UNC13A: variants seen among roughly 807,000 people sequenced by gnomAD.
UNC13A encodes the protein protein unc-13 homolog A.
A neutral mutation model predicts 219.7 loss-of-function variants in UNC13A; 61 were observed. The observed-to-expected ratio is 0.28, with a 90% CI of 0.23 to 0.34. The LOEUF is 0.34. Among genes scored for constraint, UNC13A ranks in the 10% least tolerant of loss-of-function variants. The pLI, the probability that UNC13A is intolerant of heterozygous loss-of-function variation, is 1.00. For missense variants in UNC13A, 1,476 were observed against 2,270.3 expected (o/e 0.65, Z 7.11); for synonymous variants, 920 against 884.6 (o/e 1.04, Z -0.71).
intron 4 of UNC13A, among the ~76,000 whole-genome samples, chr19:17,669,899 A>T (rs1202605229): frequency 2.5e-3 from 210 of 83,776 alleles, no homozygotes; most frequent in Middle Eastern, 9.8e-3. Context: ...TCCTTCCTTT[A>T]TTCCTTTCTT....
rs369689901 is a variant in UNC13A, at chr19:17,637,455, G to A, written c.3082-1298C>T. 3.3e-5 allele frequency among the ~76,000 whole-genome samples: 5 copies of A among 151,982 alleles called. No individual in the cohort carries two copies. In the East Asian group the frequency reaches 9.7e-4, roughly 29 times the overall value. On this transcript the variant is annotated intron_variant, in intron 25 of 43. Transcript: ENST00000519716. The stretch of plus-strand genomic sequence containing the variant: ...TGGGACTACAGGTGCCCGCCACCAC[G>A]CCCGGCTAATTTTTTTGTATTTTTA...
In UNC13A at chr19:17,620,721, C is replaced by T. The variant is rs1599338322; in HGVS notation, c.4244G>A (p.Gly1415Asp). The part of the protein sequence containing the change: ...LRKHGKGLEK[G>D]RVKLPSHSDG... ...TGAGTGGCTTGGCAATTTCACCCTGCCCTGTGGAGAGAATCAGGTGGAGGT... is the reference window on the plus strand; with the variant it reads ...TGAGTGGCTTGGCAATTTCACCCTGTCCTGTGGAGAGAATCAGGTGGAGGT... Residue 1415 changes from glycine to aspartate, a missense_variant and splice_region_variant, in exon 38 of 44, where the codon GGC becomes GAC. Gly to Asp is a moderately conservative substitution (Grantham distance 94). Coordinates refer to ENST00000519716, the MANE Select transcript of UNC13A (RefSeq NM_001080421.3). 6.2e-7 allele frequency: 1 copy of T among 1,612,834 alleles called. No individual in the cohort carries two copies. Among genetic ancestry groups the T allele is most frequent in the East Asian group, 2.2e-5 (1 of 44,848 alleles).
intron 26 of UNC13A, 46 bp downstream of exon 26, chr19:17,635,976 TAC>T: frequency 6.3e-7 from 1 of 1,577,362 alleles, no homozygotes; most frequent in South Asian, 1.1e-5. Context: ...GTTGTATACA[TAC>T]ACACGATGAC....
At chr19:17,673,785 C>T (rs192328219) in intron 3 of UNC13A, among the ~76,000 whole-genome samples, 8 of 151,558 alleles carry the variant, frequency 5.3e-5, no homozygotes, top group East Asian at 1.9e-4. Flanking sequence ...CTGAGGTGGG[C>T]GGATCACCTG....
chr19:17,660,605 C>T (rs1327031859), intron 8 of UNC13A, among the ~76,000 whole-genome samples: 1 of 150,112 alleles, frequency 6.7e-6, no homozygotes, highest in Middle Eastern at 3.2e-3. Context: ...GATCTCGGCT[C>T]ACTGCAGCCT....
At chr19:17,666,913 AGACAG>A (rs1405760805) in intron 6 of UNC13A, among the ~76,000 whole-genome samples, 4 of 25,332 alleles carry the variant, frequency 1.6e-4, no homozygotes, top group Non-Finnish European at 3.7e-4. Flanking sequence ...AGAGAGAGAA[AGACAG>A]AGACAGAGAC....
At chr19:17,661,224 C>A (rs2079546281) in intron 8 of UNC13A, among the ~76,000 whole-genome samples, 1 of 151,930 alleles carries the variant, frequency 6.6e-6, no homozygotes, top group African/African-American at 2.4e-5. Flanking sequence ...CAGGTGTGAG[C>A]CAGTGTGGCT....
chr19:17,637,216 C>A (rs2076921254), intron 25 of UNC13A, among the ~76,000 whole-genome samples: 1 of 152,014 alleles, frequency 6.6e-6, no homozygotes, highest in African/African-American at 2.4e-5. Flanking sequence ...CTCAAGGGAT[C>A]CTCCTGCCTC....
At chr19:17,626,906 A>G (rs780350033) in intron 33 of UNC13A, 121 bp from the exon 34 acceptor site, 105 of 1,380,808 alleles carry the variant, frequency 7.6e-5, no homozygotes, top group Non-Finnish European at 9.7e-5. Flanking sequence ...GCAAGAATGG[A>G]GAACAGGCCA....
rs555537619 is a variant in UNC13A at position 17,612,858 on chromosome 19, AT to A, written c.4559-1004del. 2.2e-3 allele frequency among the ~76,000 whole-genome samples: 329 copies of A among 151,932 alleles called. 1 individual carries two copies. Among genetic ancestry groups the A allele is most frequent in the African/African-American group, 7.4e-3 (306 of 41,408 alleles). On this transcript the variant is annotated intron_variant, in intron 41 of 43. Transcript: ENST00000519716. ...AGACCCTGTCTCAGAAAATTAAAAA[AT>A]AAATAAATAACATTTAAAAGTCAGA...
At chr19:17,658,315 G>A in intron 8 of UNC13A, 46 bp from the exon 9 acceptor site, 1 of 1,549,626 alleles carries the variant, frequency 6.5e-7, no homozygotes, top group Non-Finnish European at 8.8e-7. Flanking sequence ...AAGAGAGAGT[G>A]CACATGATGG....
In UNC13A at chr19:17,639,992, T is replaced by A; in HGVS notation, c.2788-84A>T. 8 of 1,322,278 alleles carry A rather than the reference T, an allele frequency of 6.1e-6. No individual in the cohort carries two copies. The South Asian group carries it at 8.4e-5, about 14-fold the overall frequency. The allele number at this position is 1,322,278 out of a possible 1,614,324, so 81.9% of individuals were successfully genotyped here. On this transcript the variant is annotated intron_variant, in intron 22 of 43. Coordinates refer to ENST00000519716, the MANE Select transcript of UNC13A (RefSeq NM_001080421.3). ...CTGAGCGCCTACTGTACAGTAAGTA[T>A]ACCTCATCCACCACCCTCATAATGT... is the stretch of plus-strand genomic sequence containing the variant.
At chr19:17,633,454 C>T (rs542856043) in intron 26 of UNC13A, among the ~76,000 whole-genome samples, 1 of 152,046 alleles carries the variant, frequency 6.6e-6, no homozygotes, top group Non-Finnish European at 1.5e-5. Flanking sequence ...ACTCATTTAT[C>T]TATTCCTCCA....
At position 17,609,974 on chromosome 19, in the gene UNC13A, T is replaced by G. The variant is rs748547532; in HGVS notation, c.4777A>C (p.Ser1593Arg). 6.2e-7 allele frequency: 1 copy of G among 1,613,956 alleles called. No homozygotes were observed. The highest frequency in any genetic ancestry group is 1.1e-5 in the South Asian group (1 of 91,084). ...CTCTCATTGTACTTGGGAGCCCAGC[T>G]ATTGTTCTTGGATTTGGTCGCAAAC... is the stretch of plus-strand genomic sequence containing the variant. ...RKFATKSKNNSWAPKYNESFQ... is the reference protein window; with the variant it reads ...RKFATKSKNNRWAPKYNESFQ... The change falls in exon 43 of 44, where the codon AGC (serine) becomes CGC (arginine). Residue 1593 changes from serine to arginine, a missense_variant. Around this residue, in one of 14 missense-constraint regions of UNC13A, gnomAD observed 187 missense variants for 172.3 expected, o/e 1.09. Coordinates refer to ENST00000519716, the MANE Select transcript of UNC13A (RefSeq NM_001080421.3).
At chr19:17,630,554 G>C (rs1338939988) in intron 29 of UNC13A, 100 bp downstream of exon 29, 2 of 1,298,374 alleles carry the variant, frequency 1.5e-6, no homozygotes, top group African/African-American at 3.0e-5. Context: ...CAAAGATGGC[G>C]GACACCTACC....
chr19:17,664,983 T>C (rs2079615066), intron 7 of UNC13A, among the ~76,000 whole-genome samples: 1 of 152,014 alleles, frequency 6.6e-6, no homozygotes, highest in African/African-American at 2.4e-5. Flanking sequence ...GCAGATCACA[T>C]GAGGTAAAAA....
intron 4 of UNC13A, among the ~76,000 whole-genome samples, chr19:17,670,407 A>C (rs2079763099): frequency 6.6e-6 from 1 of 150,410 alleles, no homozygotes; most frequent in African/African-American, 2.5e-5. Flanking sequence ...CTCCTGGCTA[A>C]TTTTTTGTAT....
intron 41 of UNC13A, chr19:17,613,585 G>A (rs552464622): frequency 6.6e-5 from 10 of 152,106 alleles, no homozygotes; most frequent in African/African-American, 2.4e-4. Flanking sequence ...CAGCCCCACA[G>A]GTCACCTCAT....
At chr19:17,628,250 G>T in intron 31 of UNC13A, 2 of 417,336 alleles carry the variant, frequency 4.8e-6, no homozygotes, top group Non-Finnish European at 8.8e-6. Flanking sequence ...AGAGCCCAAA[G>T]CTTTGCAGCT....
Sources: allele counts gnomAD v4.1 joint callset (sites outside exome capture counted in the v4.1 genomes callset), GRCh38; gene constraint gnomAD v4.1.1; regional missense constraint gnomAD v4.1.1; transcripts MANE v1.5; gene names NCBI Gene and HGNC (gene_info 2026-07-23, HGNC 2026-07-21).